Variants in CCDC152 observed in about 807,000 individuals in gnomAD.
CCDC152 encodes the protein coiled-coil domain containing 152.
In CCDC152, 37 loss-of-function variants were observed where a neutral mutation model predicts 38.1. The observed-to-expected ratio is 0.97, with a 90% CI of 0.75 to 1.28. CCDC152 has a LOEUF of 1.28. CCDC152 is among the 50% of genes most tolerant of loss of function. The pLI is 0.00. For missense variants in CCDC152, 259 were observed against 292.1 expected (o/e 0.89, Z 0.83); for synonymous variants, 83 against 87.1 (o/e 0.95, Z 0.26).
At chr5:42,783,271 T>G (rs1024230532) in intron 5 of CCDC152, among the ~76,000 whole-genome samples, 2 of 152,076 alleles carry the variant, frequency 1.3e-5, no homozygotes, top group African/African-American at 2.4e-5. Context: ...ATATTTTTCC[T>G]TGTAGATATA....
intron 7 of CCDC152, among the ~76,000 whole-genome samples, chr5:42,798,332 T>C (rs1457803525): frequency 6.6e-6 from 1 of 152,182 alleles, no homozygotes; most frequent in Non-Finnish European, 1.5e-5. Context: ...CAAGTCTTAA[T>C]TAAAATCACA....
intron 4 of CCDC152, among the ~76,000 whole-genome samples, chr5:42,772,810 A>G (rs1018312496): frequency 3.9e-5 from 6 of 152,192 alleles, no homozygotes; most frequent in East Asian, 1.9e-4. Context: ...TTTTCATCCA[A>G]TTGATTGCCA....
At chr5:42,796,425 G>A (rs1760076832) in intron 6 of CCDC152, among the ~76,000 whole-genome samples, 1 of 152,072 alleles carries the variant, frequency 6.6e-6, no homozygotes, top group South Asian at 2.1e-4. Flanking sequence ...ATAAAGATAT[G>A]ATGTGAACAT....
At chr5:42,777,039 AAAAG>A (rs1010648289) in intron 4 of CCDC152, among the ~76,000 whole-genome samples, 1 of 152,200 alleles carries the variant, frequency 6.6e-6, no homozygotes, top group East Asian at 1.9e-4. Flanking sequence ...ATAAGTAAAA[AAAAG>A]AAATAACAAA....
intron 6 of CCDC152, among the ~76,000 whole-genome samples, chr5:42,789,779 A>C (rs1333716058): frequency 6.6e-6 from 1 of 152,152 alleles, no homozygotes; most frequent in African/African-American, 2.4e-5. Context: ...GGTTGTTGAA[A>C]ACCTTCCTTA....
chr5:42,764,793 T>G (rs1342117730), intron 3 of CCDC152, among the ~76,000 whole-genome samples: 1 of 152,092 alleles, frequency 6.6e-6, no homozygotes, highest in Non-Finnish European at 1.5e-5. Context: ...AAAAGCAATA[T>G]ATGACAGACC....
chr5:42,779,151 A>G (rs894898508), intron 4 of CCDC152, among the ~76,000 whole-genome samples: 1 of 152,168 alleles, frequency 6.6e-6, no homozygotes, highest in African/African-American at 2.4e-5. Context: ...CCTGACTTCA[A>G]GCTGCCCTAG....
intron 7 of CCDC152, 143 bp downstream of exon 7, chr5:42,797,099 A>C: frequency 1.6e-6 from 1 of 610,834 alleles, no homozygotes; most frequent in Non-Finnish European, 2.7e-6. Context: ...TTCTCCACCA[A>C]ATGATTGCAG....
chr5:42,800,665 C>T lies in CCDC152; in HGVS notation c.*884C>T. 2 of 1,504,066 alleles carry T rather than the reference C, an allele frequency of 1.3e-6. No homozygotes were observed. Among genetic ancestry groups the T allele is most frequent in the Non-Finnish European group, 1.8e-6 (2 of 1,126,126 alleles). 93.2% of individuals were successfully genotyped at this position (1,504,066 alleles called of 1,614,324 possible). ...ACTAATTTGGTAGTTTATAAAAATG[C>T]TGGAAATGAAATTGTGTCTAGACTA... On this transcript the variant is annotated 3_prime_UTR_variant, in exon 9 of 9. Coordinates refer to ENST00000361970, the MANE Select transcript of CCDC152 (RefSeq NM_001134848.2).
intron 4 of CCDC152, among the ~76,000 whole-genome samples, chr5:42,773,068 T>A (rs767485787): frequency 3.6e-4 from 55 of 152,218 alleles, no homozygotes; most frequent in Non-Finnish European, 6.9e-4. Context: ...TGCCTAAAAT[T>A]GTTTCAGATT....
intron 5 of CCDC152, among the ~76,000 whole-genome samples, chr5:42,783,072 G>C (rs749945123): frequency 6.6e-6 from 1 of 151,844 alleles, no homozygotes; most frequent in African/African-American, 2.4e-5. Flanking sequence ...GGGTTTCACC[G>C]TGTTAGCCAG....
chr5:42,757,882 A>G (rs1247743290), intron 1 of CCDC152, among the ~76,000 whole-genome samples: 1 of 150,942 alleles, frequency 6.6e-6, no homozygotes, highest in African/African-American at 2.4e-5. Flanking sequence ...TTAGGTACCA[A>G]AAAAAAAAGG....
intron 3 of CCDC152, among the ~76,000 whole-genome samples, chr5:42,767,851 A>T (rs1410540146): frequency 6.6e-6 from 1 of 152,252 alleles, no homozygotes; most frequent in Non-Finnish European, 1.5e-5. Context: ...GTGATGGCAG[A>T]GTCTGTCTAT....
In CCDC152 at chr5:42,779,346, T is replaced by C. The variant is rs1040265060; in HGVS notation, c.263-112T>C. On this transcript the variant is annotated intron_variant, in intron 4 of 8. Coordinates refer to ENST00000361970, the MANE Select transcript of CCDC152 (RefSeq NM_001134848.2). The stretch of plus-strand genomic sequence containing the variant: ...ATGGTGCCTGAAGTGTAGCAGCTGC[T>C]GGATGCATGTTTGTTGAATGCATAC... 13 of 671,722 alleles carry C rather than the reference T, an allele frequency of 1.9e-5. No homozygotes were observed. In the South Asian group the frequency reaches 2.2e-4, roughly 11 times the overall value. 41.6% of individuals were successfully genotyped at this position (671,722 alleles called of 1,614,324 possible).
chr5:42,759,215 A>G lies in CCDC152; in HGVS notation c.87+7A>G. On this transcript the variant is annotated splice_region_variant and intron_variant, in intron 2 of 8. Coordinates refer to ENST00000361970, the MANE Select transcript of CCDC152 (RefSeq NM_001134848.2). The stretch of plus-strand genomic sequence containing the variant: ...CTTCTCACAGATAGAAAAGGTATGT[A>G]AAGATAGAAAACAATTCTACTATAT... 2 of 1,525,928 alleles carry G rather than the reference A, an allele frequency of 1.3e-6. No individual in the cohort carries two copies. Among genetic ancestry groups the G allele is most frequent in the Non-Finnish European group, 1.8e-6 (2 of 1,125,566 alleles). 94.5% of individuals were successfully genotyped at this position (1,525,928 alleles called of 1,614,324 possible). A position where few individuals can be genotyped will look rare whatever the true frequency, so the allele number is the denominator to read the frequency against.
chr5:42,792,142 C>T (rs1322109148), intron 6 of CCDC152, among the ~76,000 whole-genome samples: 7 of 152,214 alleles, frequency 4.6e-5, no homozygotes, highest in Non-Finnish European at 7.3e-5. Flanking sequence ...CATCCATCCA[C>T]ATGTTTCCAT....
At chr5:42,798,959 T>C (rs1378225081) in intron 7 of CCDC152, among the ~76,000 whole-genome samples, 1 of 152,194 alleles carries the variant, frequency 6.6e-6, no homozygotes, top group Non-Finnish European at 1.5e-5. Context: ...GACTGTTTAT[T>C]ACATTTTCTT....
chr5:42,796,741 G>T lies in CCDC152; in HGVS notation c.431-88G>T, dbSNP rs1241375875. On this transcript the variant is annotated intron_variant, in intron 6 of 8. Coordinates refer to ENST00000361970, the MANE Select transcript of CCDC152 (RefSeq NM_001134848.2). ...TTCATTAATAAAATTTACTTTTTTA[G>T]GAATGATTTAAAACACTAAAGAAAT... is the stretch of plus-strand genomic sequence containing the variant. The T allele has an allele frequency of 6.7e-6, 6 of 893,508 alleles. No homozygotes were observed. In the African/African-American group the frequency reaches 7.1e-5, roughly 11 times the overall value. 55.3% of individuals were successfully genotyped at this position (893,508 alleles called of 1,614,324 possible). A position where few individuals can be genotyped will look rare whatever the true frequency, so the allele number is the denominator to read the frequency against.
At chr5:42,786,592 G>A (rs562101460) in intron 6 of CCDC152, among the ~76,000 whole-genome samples, 2 of 152,124 alleles carry the variant, frequency 1.3e-5, no homozygotes, top group Admixed American at 6.5e-5. Flanking sequence ...CCCAGTTTTT[G>A]TCTCATTGAT....
Sources: gnomAD v4.1 joint callset for allele counts (sites outside exome capture counted in the v4.1 genomes callset) on GRCh38, gnomAD v4.1.1 for gene constraint, MANE v1.5 for transcripts, NCBI Gene and HGNC (gene_info 2026-07-23, HGNC 2026-07-21) for gene names.